The following RPA3 variants were observed in gnomAD, a reference collection of about 807,000 sequenced individuals.
The protein encoded by RPA3 is replication protein A 14 kDa subunit.
A neutral mutation model predicts 13.7 loss-of-function variants in RPA3; 24 were observed. The observed-to-expected ratio is 1.75, with a 90% CI of 1.27 to 2.46. The LOEUF is 2.46. Ranked by LOEUF, RPA3 falls within the 30% of genes most tolerant of loss-of-function variation. RPA3 has a pLI of 0.00. For synonymous variants in RPA3, 59 were observed against 51.2 expected (o/e 1.15, Z -0.65); for missense variants, 183 against 151.0 (o/e 1.21, Z -1.11).
intron 4 of RPA3, chr7:7,673,184 T>C (rs1417214695): frequency 1.4e-6 from 1 of 718,112 alleles, no homozygotes; most frequent in African/African-American, 1.7e-5. Context: ...CTCATGGTTT[T>C]ACATGTGGCC....
At chr7:7,668,434 CTT>C in intron 4 of RPA3, among the ~76,000 whole-genome samples, 1 of 152,198 alleles carries the variant, frequency 6.6e-6, no homozygotes, top group South Asian at 2.1e-4. Context: ...ATTCACATAA[CTT>C]TTATTACTAT....
chr7:7,643,051 T>C (rs1785010991), intron 4 of RPA3, among the ~76,000 whole-genome samples: 1 of 152,062 alleles, frequency 6.6e-6, no homozygotes. Context: ...AGTGGGACAG[T>C]AGTGGGCTCT....
intron 4 of RPA3, among the ~76,000 whole-genome samples, chr7:7,658,896 G>A (rs1454711858): frequency 6.6e-6 from 1 of 152,126 alleles, no homozygotes; most frequent in African/African-American, 2.4e-5. Context: ...GCTCCTGTTT[G>A]TACCTCTGGT....
chr7:7,695,749 A>G (rs758010573), intron 2 of RPA3, among the ~76,000 whole-genome samples: 1 of 152,092 alleles, frequency 6.6e-6, no homozygotes, highest in South Asian at 2.1e-4. Flanking sequence ...TTTAATATCT[A>G]TGTATGTTGG....
intron 4 of RPA3, among the ~76,000 whole-genome samples, chr7:7,685,167 A>T (rs2115128178): frequency 6.6e-6 from 1 of 152,274 alleles, no homozygotes; most frequent in East Asian, 1.9e-4. Flanking sequence ...GGGTTGGAAG[A>T]CCTGAATGTC....
intron 4 of RPA3, among the ~76,000 whole-genome samples, chr7:7,650,670 A>C (rs28916282): frequency 4.6e-5 from 7 of 152,262 alleles, no homozygotes; most frequent in African/African-American, 1.7e-4. Flanking sequence ...TAAGCTGGTT[A>C]AAGTGGCAAT....
chr7:7,641,470 A>T (rs1784972639), intron 4 of RPA3: 1 of 151,966 alleles, frequency 6.6e-6, no homozygotes, highest in Admixed American at 6.6e-5. Flanking sequence ...GTCCCAGTTG[A>T]CTCTGACTTT....
chr7:7,642,325 G>GT lies in RPA3; in HGVS notation c.-757-1151dup, dbSNP rs930760842. On this transcript the variant is annotated intron_variant, in intron 4 of 7. Transcript: ENST00000223129. ...AATAAAGATTTTTTTTTTGTTGTTTGTTTTTTTTTGTTCAGATGGGGCCTC... is the reference window on the plus strand; with the variant it reads ...AATAAAGATTTTTTTTTTGTTGTTTGTTTTTTTTTTGTTCAGATGGGGCCTC... 1.2e-4 allele frequency among the ~76,000 whole-genome samples: 18 copies of GT among 150,224 alleles called. 1 individual carries two copies. Among genetic ancestry groups the GT allele is most frequent in the Admixed American group, 3.3e-4 (5 of 15,072 alleles).
intron 2 of RPA3, among the ~76,000 whole-genome samples, chr7:7,687,577 A>T (rs940267467): frequency 6.6e-6 from 1 of 152,216 alleles, no homozygotes; most frequent in African/African-American, 2.4e-5. Context: ...CAGAAAGTCT[A>T]TTCACACCCA....
At chr7:7,708,129 G>C (rs1452034128) in intron 2 of RPA3, among the ~76,000 whole-genome samples, 1 of 152,058 alleles carries the variant, frequency 6.6e-6, no homozygotes, top group Non-Finnish European at 1.5e-5. Context: ...TTTGGATCAT[G>C]GTTCTGCTGC....
chr7:7,702,457 G>A (rs1780483521), intron 2 of RPA3, among the ~76,000 whole-genome samples: 1 of 152,116 alleles, frequency 6.6e-6, no homozygotes, highest in South Asian at 2.1e-4. Flanking sequence ...GGGGAGGCAG[G>A]AAACCTGGCT....
chr7:7,691,015 AGC>A (rs1220008349), intron 2 of RPA3, among the ~76,000 whole-genome samples: 3 of 152,220 alleles, frequency 2.0e-5, no homozygotes, highest in Non-Finnish European at 4.4e-5. Flanking sequence ...AGGACCTTGA[AGC>A]ATGTAGAGCT....
intron 4 of RPA3, among the ~76,000 whole-genome samples, chr7:7,643,152 C>A (rs923460340): frequency 1.3e-5 from 2 of 152,090 alleles, no homozygotes; most frequent in Non-Finnish European, 2.9e-5. Flanking sequence ...CAGGGAGAGG[C>A]CATTTCCTGA....
chr7:7,638,155 G>T lies in RPA3; in HGVS notation c.175-183C>A, dbSNP rs542049110. The T allele has an allele frequency of 2.3e-5, 10 of 434,450 alleles. No individual in the cohort carries two copies. In the East Asian group the frequency reaches 3.7e-4, roughly 16 times the overall value. The allele number at this position is 434,450 out of a possible 1,614,324, so 26.9% of individuals were successfully genotyped here. ...TGTTTGAGTACTTAACTGTCAGCAT[G>T]TTAAAATTCCTGCTACCTTTAGCAG... On this transcript the variant is annotated intron_variant, in intron 6 of 7. Coordinates refer to ENST00000223129, the MANE Select transcript of RPA3 (RefSeq NM_002947.5).
At chr7:7,655,040 G>A (rs1378245696) in intron 4 of RPA3, among the ~76,000 whole-genome samples, 1 of 152,080 alleles carries the variant, frequency 6.6e-6, no homozygotes, top group African/African-American at 2.4e-5. Context: ...AGTAATTCTG[G>A]ATTATGTAAT....
At chr7:7,643,625 T>TC (rs1230765808) in intron 4 of RPA3, among the ~76,000 whole-genome samples, 1 of 150,374 alleles carries the variant, frequency 6.7e-6, no homozygotes, top group Admixed American at 6.7e-5. Flanking sequence ...GGCAGGAGAA[T>TC]GGCGTGAACC....
chr7:7,659,110 C>T (rs560380404), intron 4 of RPA3, among the ~76,000 whole-genome samples: 1 of 152,154 alleles, frequency 6.6e-6, no homozygotes, highest in African/African-American at 2.4e-5. Flanking sequence ...TTATAGTATT[C>T]TCTGATGGTA....
intron 4 of RPA3, among the ~76,000 whole-genome samples, chr7:7,672,789 T>C (rs1232636299): frequency 6.6e-6 from 1 of 152,192 alleles, no homozygotes; most frequent in Non-Finnish European, 1.5e-5. Flanking sequence ...TATTTCTTCA[T>C]AGCAGTGTGA....
intron 2 of RPA3, among the ~76,000 whole-genome samples, chr7:7,690,569 C>T (rs1258206485): frequency 6.6e-6 from 1 of 151,844 alleles, no homozygotes; most frequent in Non-Finnish European, 1.5e-5. Flanking sequence ...GGGGTGATGC[C>T]GCACCTAAGT....
Sources: allele counts gnomAD v4.1 joint callset (sites outside exome capture counted in the v4.1 genomes callset), GRCh38; gene constraint gnomAD v4.1.1; transcripts MANE v1.5; gene names NCBI Gene and HGNC (gene_info 2026-07-23, HGNC 2026-07-21).